The following PTER variants were observed in gnomAD, a reference collection of about 807,000 sequenced individuals.
PTER encodes N-acetyltaurine hydrolase.
PTER carries 38 observed loss-of-function variants against 29.6 expected under a neutral mutation model. The ratio of observed to expected loss-of-function variants is 1.28; its 90% CI spans 0.99 to 1.68. PTER has a LOEUF of 1.68. Ranked by LOEUF, PTER falls within the 40% of genes most tolerant of loss-of-function variation. The probability of loss-of-function intolerance (pLI) is 0.00; values close to 1 mark genes in which losing one functional copy is unlikely to be tolerated. For synonymous variants in PTER, 172 were observed against 154.5 expected (o/e 1.11, Z -0.84); for missense variants, 482 against 427.8 (o/e 1.13, Z -1.12).
chr10:16,490,225 G>A (rs922982194), intron 3 of PTER, among the ~76,000 whole-genome samples: 5 of 152,116 alleles, frequency 3.3e-5, no homozygotes, highest in Non-Finnish European at 5.9e-5. Flanking sequence ...ATACTGTACC[G>A]AAAGTGGAAA....
chr10:16,459,233 T>C (rs1834518891), intron 1 of PTER, among the ~76,000 whole-genome samples: 1 of 152,172 alleles, frequency 6.6e-6, no homozygotes. Flanking sequence ...AGTTGATAAG[T>C]TTTGTTTGTT....
chr10:16,450,468 C>A (rs1369817178), intron 1 of PTER, among the ~76,000 whole-genome samples: 1 of 152,124 alleles, frequency 6.6e-6, no homozygotes, highest in Non-Finnish European at 1.5e-5. Context: ...GCTCGGTGTC[C>A]CCAGTTTCAT....
downstream of PTER, among the ~76,000 whole-genome samples, chr10:16,517,833 T>C (rs1436486444): frequency 6.6e-6 from 1 of 152,218 alleles, no homozygotes; most frequent in East Asian, 1.9e-4. Flanking sequence ...TTCATTTTCA[T>C]TGTACTTCTG....
At chr10:16,502,765 G>T (rs563335722) in intron 3 of PTER, among the ~76,000 whole-genome samples, 1 of 151,910 alleles carries the variant, frequency 6.6e-6, no homozygotes, top group Non-Finnish European at 1.5e-5. Flanking sequence ...GAAACAGGTG[G>T]ATCACCTGAG....
intron 1 of PTER, among the ~76,000 whole-genome samples, chr10:16,460,944 T>G (rs770310436): frequency 2.6e-5 from 4 of 152,170 alleles, no homozygotes; most frequent in Non-Finnish European, 5.9e-5. Context: ...CTCGAACTCC[T>G]GACCTCAGGT....
At chr10:16,487,595 G>A (rs1385577367) in intron 3 of PTER, among the ~76,000 whole-genome samples, 1 of 152,074 alleles carries the variant, frequency 6.6e-6, no homozygotes, top group Non-Finnish European at 1.5e-5. Flanking sequence ...TATCTTGTTG[G>A]GGTTCACCAT....
rs769281260 is a variant in PTER at position 16,511,283 on chromosome 10, G to A, written c.*27G>A. The A allele has an allele frequency of 6.3e-7, 1 of 1,584,666 alleles. No individual in the cohort carries two copies. Among genetic ancestry groups the A allele is most frequent in the Admixed American group, 1.7e-5 (1 of 59,958 alleles). ...ATGGTTGCTTATGAATTCACACCTT[G>A]AGTATAAAACTTGCAGAGAACATTC... On this transcript the variant is annotated 3_prime_UTR_variant, in exon 5 of 5. Coordinates refer to ENST00000535784, the MANE Select transcript of PTER (RefSeq NM_001261836.2).
chr10:16,485,414 C>CT (rs34310390), intron 2 of PTER, among the ~76,000 whole-genome samples: 1 of 152,074 alleles, frequency 6.6e-6, no homozygotes, highest in Admixed American at 6.6e-5. Context: ...GGTGCAAAAC[C>CT]TTTTTTGCAC....
chr10:16,464,190 T>C (rs1208365628), intron 1 of PTER, among the ~76,000 whole-genome samples: 1 of 152,200 alleles, frequency 6.6e-6, no homozygotes, highest in Non-Finnish European at 1.5e-5. Flanking sequence ...GGGTTTAATA[T>C]AGTCAGAGTT....
chr10:16,501,328 TACACACACACACACACAC>T (rs35321143), intron 3 of PTER, among the ~76,000 whole-genome samples: 1 of 117,154 alleles, frequency 8.5e-6, no homozygotes, highest in African/African-American at 3.2e-5. Context: ...AATGAATAAC[TACACACACACACACACAC>T]ACACACACAC....
intron 1 of PTER, among the ~76,000 whole-genome samples, chr10:16,483,485 C>T (rs1835559582): frequency 6.6e-6 from 1 of 152,048 alleles, no homozygotes; most frequent in Non-Finnish European, 1.5e-5. Flanking sequence ...TTCTTTATGG[C>T]TCTAATTTCT....
chr10:16,507,617 G>A (rs963517406), intron 4 of PTER, among the ~76,000 whole-genome samples: 2 of 152,132 alleles, frequency 1.3e-5, no homozygotes, highest in Non-Finnish European at 1.5e-5. Context: ...TCCAAGTACT[G>A]GCATTCTGCC....
At chr10:16,503,046 T>C (rs1836416431) in intron 3 of PTER, among the ~76,000 whole-genome samples, 1 of 147,424 alleles carries the variant, frequency 6.8e-6, no homozygotes, top group African/African-American at 2.5e-5. Context: ...AGAAGTAGAT[T>C]CATGGACACA....
intron 1 of PTER, among the ~76,000 whole-genome samples, chr10:16,477,292 ATAG>A (rs1205188328): frequency 4.9e-5 from 7 of 142,342 alleles, no homozygotes; most frequent in Non-Finnish European, 7.4e-5. Flanking sequence ...AGATAGATAG[ATAG>A]ATAGATGGAT....
In PTER at chr10:16,513,017, A is replaced by G. The variant is rs1233071245; in HGVS notation, c.*1761A>G. Reference sequence around the variant, plus strand: ...TCCACCTGAGAAAAAAGAAAAAAAAATTGATAGCTCAAATGCATGTAATTC... The same window carrying G: ...TCCACCTGAGAAAAAAGAAAAAAAAGTTGATAGCTCAAATGCATGTAATTC... On this transcript the variant is annotated 3_prime_UTR_variant, in exon 5 of 5. Coordinates refer to ENST00000535784, the MANE Select transcript of PTER (RefSeq NM_001261836.2). 2 of 152,546 alleles carry G rather than the reference A, an allele frequency of 1.3e-5. No homozygotes were observed. The highest frequency in any genetic ancestry group is 2.1e-4 in the South Asian group (1 of 4,830). The allele number at this position is 152,546 out of a possible 1,614,324, so 9.4% of individuals were successfully genotyped here.
intron 1 of PTER, among the ~76,000 whole-genome samples, chr10:16,466,814 C>A (rs1834853527): frequency 6.6e-6 from 1 of 152,170 alleles, no homozygotes; most frequent in Non-Finnish European, 1.5e-5. Context: ...ATCATACAGC[C>A]TTTCTGTGAT....
rs1835694972 is a variant in PTER, at chr10:16,486,388, G to T, written c.469G>T (p.Ala157Ser). The T allele has an allele frequency of 6.2e-7, 1 of 1,613,938 alleles. No homozygotes were observed. Among genetic ancestry groups the T allele is most frequent in the Non-Finnish European group, 8.5e-7 (1 of 1,179,882 alleles). ...CCTTATGAATGAAATTCTCCATGGA[G>T]CTGATGGAACCAGTATCAAGTGTGG... is the stretch of plus-strand genomic sequence containing the variant. Reference protein sequence around the residue: ...DVLMNEILHGADGTSIKCGII... With the variant: ...DVLMNEILHGSDGTSIKCGII... Residue 157 changes from alanine to serine, a missense_variant, in exon 3 of 5, where the codon GCT becomes TCT. Ala to Ser is a moderately conservative substitution (Grantham distance 99, BLOSUM62 1). Coordinates refer to ENST00000535784, the MANE Select transcript of PTER (RefSeq NM_001261836.2).
chr10:16,448,068 CCATAGTTAAACGTTCAGTTTCT>C (rs1834078439), intron 1 of PTER, among the ~76,000 whole-genome samples: 1 of 152,132 alleles, frequency 6.6e-6, no homozygotes, highest in African/African-American at 2.4e-5. Context: ...ACTTGATGAC[CCATAGTTAAACGTTCAGTTTCT>C]ACCAAAGCCC....
intron 1 of PTER, among the ~76,000 whole-genome samples, chr10:16,441,776 A>C (rs1833858549): frequency 6.6e-6 from 1 of 152,210 alleles, no homozygotes; most frequent in Non-Finnish European, 1.5e-5. Flanking sequence ...CAGTATTCAT[A>C]AATAGCCTTT....
Sources: allele counts gnomAD v4.1 joint callset (sites outside exome capture counted in the v4.1 genomes callset), GRCh38; gene constraint gnomAD v4.1.1; transcripts MANE v1.5; gene names NCBI Gene and HGNC (gene_info 2026-07-23, HGNC 2026-07-21).